INSL6: variants seen among roughly 807,000 people sequenced by gnomAD.
The protein encoded by INSL6 is insulin like 6, also known as insulin-like peptide INSL6.
A neutral mutation model predicts 9.4 loss-of-function variants in INSL6; 16 were observed. The ratio of observed to expected loss-of-function variants is 1.70; its 90% CI spans 1.15 to 2.59. The LOEUF is 2.59. Among genes scored for constraint, INSL6 ranks in the 30% most tolerant of loss-of-function variants. INSL6 has a pLI of 0.00. For synonymous variants in INSL6, 154 were observed against 96.9 expected (o/e 1.59, Z -3.46); for missense variants, 391 against 257.3 (o/e 1.52, Z -3.56).
the INSL6 span, among the ~76,000 whole-genome samples, chr9:5,025,629 G>C: frequency 2.6e-5 from 4 of 150,954 alleles, no homozygotes; most frequent in Non-Finnish European, 5.9e-5. Flanking sequence ...CGCCTTCCAA[G>C]TTCAAGTGAT....
chr9:5,046,652 T>C, the INSL6 span, among the ~76,000 whole-genome samples: 2 of 152,196 alleles, frequency 1.3e-5, no homozygotes, highest in Non-Finnish European at 1.5e-5. Context: ...TGAAAGACTG[T>C]CTTTTCTCCA....
At chr9:5,146,385 G>C (rs1824602910) in intron 2 of INSL6, among the ~76,000 whole-genome samples, 1 of 152,300 alleles carries the variant, frequency 6.6e-6, no homozygotes, top group South Asian at 2.1e-4. Flanking sequence ...CTCCCTGCAG[G>C]CATTCACCAC....
the INSL6 span, chr9:5,111,636 G>A: frequency 5.8e-5 from 22 of 381,368 alleles, no homozygotes; most frequent in Non-Finnish European, 1.1e-4. Context: ...CTGGGCGGGG[G>A]CTCATGCCCC....
the INSL6 span, among the ~76,000 whole-genome samples, chr9:5,067,023 T>A: frequency 5.9e-5 from 9 of 152,130 alleles, no homozygotes; most frequent in Non-Finnish European, 1.3e-4. Context: ...TTTGCATTTA[T>A]TTTATTTTCT....
chr9:5,039,988 G>T, the INSL6 span, among the ~76,000 whole-genome samples: 2 of 152,118 alleles, frequency 1.3e-5, no homozygotes, highest in Non-Finnish European at 2.9e-5. Context: ...AAAGCAAAGG[G>T]ACTTAGCATA....
chr9:5,044,317 C>T, the INSL6 span: 5 of 793,388 alleles, frequency 6.3e-6, no homozygotes, highest in East Asian at 2.5e-5. Flanking sequence ...TAATACCTTT[C>T]AGTATGCTGT....
At chr9:5,179,727 A>G (rs1407824518) in intron 1 of INSL6, among the ~76,000 whole-genome samples, 1 of 152,240 alleles carries the variant, frequency 6.6e-6, no homozygotes, top group East Asian at 1.9e-4. Flanking sequence ...CATCATTCTC[A>G]GCAAACTAAT....
the INSL6 span, chr9:5,065,178 T>C: frequency 5.2e-5 from 24 of 463,876 alleles, no homozygotes; most frequent in Non-Finnish European, 7.8e-5. Flanking sequence ...CTATTTGCAA[T>C]CAGATTACAT....
chr9:5,060,999 C>G, the INSL6 span, among the ~76,000 whole-genome samples: 4 of 152,142 alleles, frequency 2.6e-5, no homozygotes, highest in African/African-American at 7.2e-5. Flanking sequence ...GCTTGGGTGA[C>G]CAGGTGCGTT....
At chr9:5,091,072 G>T in the INSL6 span, 4 of 530,220 alleles carry the variant, frequency 7.5e-6, 1 homozygote, top group Non-Finnish European at 1.3e-5. Context: ...TTATAGTCAT[G>T]GTTATAGTCC....
intron 3 of INSL6, chr9:5,128,080 T>TTGTGTGTGTGTGTGTGTG (rs139964957): frequency 2.8e-5 from 6 of 215,766 alleles, no homozygotes; most frequent in African/African-American, 1.4e-4. Context: ...ATGGTGGGTT[T>TTGTGTGTGTGTGTGTGTG]TGTGTGTGTG....
chr9:5,185,410 T>G lies in INSL6; in HGVS notation c.193A>C (p.Ile65Leu). ...TCGACCTTCTCCGAGGCCTGTGCAA[T>G]CAACCGTGAGAAAGGGGTTTCCTCC... is the stretch of plus-strand genomic sequence containing the variant. ...FEEETPFSRL[I>L]AQASEKVEAY... Residue 65 changes from isoleucine to leucine, a missense_variant, in exon 1 of 2, where the codon ATT becomes CTT. By Grantham distance (5) the Ile-to-Leu change is conservative. Transcript: ENST00000381641. The G allele has an allele frequency of 6.2e-7, 1 of 1,614,162 alleles. No individual in the cohort carries two copies. Among genetic ancestry groups the G allele is most frequent in the Non-Finnish European group, 8.5e-7 (1 of 1,180,040 alleles).
At chr9:5,007,482 AT>A in the INSL6 span, among the ~76,000 whole-genome samples, 1 of 152,126 alleles carries the variant, frequency 6.6e-6, no homozygotes, top group Non-Finnish European at 1.5e-5. Flanking sequence ...ATTAATTCAA[AT>A]GCAGAACTTC....
At chr9:5,123,149 T>G (rs1010569528), downstream of INSL6, 3 of 1,454,036 alleles carry the variant, frequency 2.1e-6, no homozygotes, top group Non-Finnish European at 9.5e-7. Context: ...TTACTTTCAG[T>G]TTTTTGTTTG....
the INSL6 span, among the ~76,000 whole-genome samples, chr9:5,057,710 T>C: frequency 6.6e-6 from 1 of 150,882 alleles, no homozygotes; most frequent in East Asian, 2.0e-4. Flanking sequence ...AGCCTCCCGA[T>C]AGCTGGGATT....
the INSL6 span, among the ~76,000 whole-genome samples, chr9:5,015,196 T>C: frequency 6.6e-6 from 1 of 152,190 alleles, no homozygotes; most frequent in Non-Finnish European, 1.5e-5. Context: ...TTGGGTTGTT[T>C]GCAGTTTTTG....
the INSL6 span, among the ~76,000 whole-genome samples, chr9:5,115,877 G>A: frequency 6.6e-6 from 1 of 152,122 alleles, no homozygotes; most frequent in African/African-American, 2.4e-5. Context: ...TGGACACAGG[G>A]AGGGGAACAT....
chr9:5,142,751 G>T (rs767996733), intron 2 of INSL6, among the ~76,000 whole-genome samples: 1 of 152,208 alleles, frequency 6.6e-6, no homozygotes, highest in Non-Finnish European at 1.5e-5. Flanking sequence ...TAGGAGTGGG[G>T]AGAGAGGGCA....
chr9:5,164,873 T>C (rs558849243), intron 1 of INSL6, among the ~76,000 whole-genome samples: 39 of 152,350 alleles, frequency 2.6e-4, no homozygotes, highest in Admixed American at 3.9e-4. Flanking sequence ...CATTTATCAA[T>C]TGATGGACAT....
Sources: gnomAD v4.1 joint callset for allele counts (sites outside exome capture counted in the v4.1 genomes callset) on GRCh38, gnomAD v4.1.1 for gene constraint, MANE v1.5 for transcripts, NCBI Gene and HGNC (gene_info 2026-07-23, HGNC 2026-07-21) for gene names.